Variants in CHRNB4 observed in about 807,000 individuals in gnomAD.
The protein encoded by CHRNB4 is neuronal acetylcholine receptor subunit beta-4.
CHRNB4 carries 23 observed loss-of-function variants against 40.4 expected under a neutral mutation model. The observed-to-expected ratio is 0.57, with a 90% CI of 0.41 to 0.81. The LOEUF (loss-of-function observed/expected upper bound fraction) is 0.81. Among genes scored for constraint, CHRNB4 ranks in the 30% least tolerant of loss-of-function variants. The pLI is 0.00. For missense variants in CHRNB4, 568 were observed against 670.6 expected (o/e 0.85, Z 1.69); for synonymous variants, 285 against 274.4 (o/e 1.04, Z -0.38).
intron 2 of CHRNB4, chr15:78,658,196 A>T (rs1325871517): frequency 6.6e-6 from 1 of 151,654 alleles, no homozygotes; most frequent in Non-Finnish European, 1.5e-5. Flanking sequence ...ATGCCTGGCT[A>T]ATTTTTGTAT....
At chr15:78,633,967 C>T (rs1037994273) in intron 2 of CHRNB4, among the ~76,000 whole-genome samples, 6 of 152,026 alleles carry the variant, frequency 3.9e-5, no homozygotes, top group African/African-American at 1.2e-4. Flanking sequence ...GCCTGGCTCA[C>T]CAGACTCTGG....
At chr15:78,645,006 C>T (rs2054111458), upstream of CHRNB4, among the ~76,000 whole-genome samples, 2 of 152,152 alleles carry the variant, frequency 1.3e-5, no homozygotes, top group African/African-American at 4.8e-5. Flanking sequence ...CCTGGAGAGA[C>T]TGTTCCTCCC....
At position 78,635,597 on chromosome 15, in the gene CHRNB4, C is replaced by G; in HGVS notation, c.56-10G>C. On this transcript the variant is annotated splice_polypyrimidine_tract_variant and intron_variant, in intron 1 of 5. Transcript: ENST00000261751. ...GCCACGCGGCAGTTCCCTGAGAAAA[C>G]ACACAGTCAGACCTGCTGGGCCCTT... The G allele has an allele frequency of 6.2e-7, 1 of 1,613,886 alleles. No homozygotes were observed. Among genetic ancestry groups the G allele is most frequent in the Non-Finnish European group, 8.5e-7 (1 of 1,179,828 alleles).
intron 2 of CHRNB4, among the ~76,000 whole-genome samples, chr15:78,635,048 T>G (rs752844324): frequency 1.3e-5 from 2 of 152,188 alleles, no homozygotes; most frequent in Non-Finnish European, 2.9e-5. Context: ...TCCCCCAGTC[T>G]GGTTTTTACT....
intron 2 of CHRNB4, among the ~76,000 whole-genome samples, chr15:78,632,173 C>CT (rs2053829670): frequency 7.8e-4 from 6 of 7,662 alleles, no homozygotes; most frequent in African/African-American, 1.7e-3. Context: ...TTTTCTTTCT[C>CT]TTTCTTTCTT....
intron 7 of CHRNB4, chr15:78,649,298 T>G (rs1004316870): frequency 2.7e-6 from 1 of 376,482 alleles, no homozygotes; most frequent in Non-Finnish European, 5.2e-6. Flanking sequence ...ATGCTCATAG[T>G]CACCCTTGTG....
chr15:78,631,052 G>A, intron 4 of CHRNB4, 24 bp downstream of exon 4: 4 of 1,593,974 alleles, frequency 2.5e-6, no homozygotes, highest in Non-Finnish European at 3.4e-6. Context: ...CTGTCACCAG[G>A]CCTCCACCAA....
intron 5 of CHRNB4, among the ~76,000 whole-genome samples, chr15:78,653,284 C>A (rs369021645): frequency 6.6e-6 from 1 of 152,336 alleles, no homozygotes; most frequent in African/African-American, 2.4e-5. Flanking sequence ...CAAATTCTGG[C>A]TTTAAGTCTA....
chr15:78,659,982 G>A (rs1442818312), intron 1 of CHRNB4, among the ~76,000 whole-genome samples: 1 of 152,076 alleles, frequency 6.6e-6, no homozygotes, highest in Admixed American at 6.6e-5. Context: ...TGAGGCAGGT[G>A]GATCACTTGA....
intron 7 of CHRNB4, chr15:78,649,344 C>A (rs536912104): frequency 2.3e-6 from 1 of 443,220 alleles, no homozygotes; most frequent in African/African-American, 2.0e-5. Context: ...TGTCCATCAA[C>A]AAGAACACGG....
Position 78,629,249 on chromosome 15 carries a change from G to T in CHRNB4, c.1056C>A (p.Pro352=). The T allele has an allele frequency of 6.2e-7, 1 of 1,613,286 alleles. No homozygotes were observed. The highest frequency in any genetic ancestry group is 1.1e-5 in the South Asian group (1 of 91,040). ...PTFLFMKRPG[P]DSSPARAFPP... ...GGAAGGCTCTGGCCGGGCTGCTGTC[G>T]GGGCCAGGGCGCTTCATGAAGAGGA... Residue 352 remains proline (P), a synonymous_variant, in exon 5 of 6, where the codon CCC becomes CCA. Transcript: ENST00000261751. This position sits in a 1 kb window ranked among gnomAD's most constrained non-coding sequence, Gnocchi z 6.8.
chr15:78,653,996 A>G (rs1165139775), intron 5 of CHRNB4, among the ~76,000 whole-genome samples: 1 of 152,158 alleles, frequency 6.6e-6, no homozygotes, highest in Non-Finnish European at 1.5e-5. Context: ...GAGGAAGCTC[A>G]ATGGCTTCAA....
intron 1 of CHRNB4, among the ~76,000 whole-genome samples, chr15:78,640,755 G>A (rs1173599568): frequency 6.6e-6 from 1 of 152,208 alleles, no homozygotes; most frequent in Admixed American, 6.5e-5. Flanking sequence ...GACTGCTGGG[G>A]ATGACCCGCG....
upstream of CHRNB4, among the ~76,000 whole-genome samples, chr15:78,644,084 A>G (rs1298532457): frequency 6.6e-6 from 1 of 151,356 alleles, no homozygotes; most frequent in African/African-American, 2.4e-5. Flanking sequence ...AATGGTGTGA[A>G]CCCAGGAGGC....
chr15:78,634,190 C>T (rs919520394), intron 2 of CHRNB4, among the ~76,000 whole-genome samples: 11 of 152,280 alleles, frequency 7.2e-5, no homozygotes, highest in African/African-American at 1.7e-4. Context: ...GGCTGGTGGC[C>T]GCATCCCCTC....
chr15:78,639,372 T>C lies in CHRNB4; in HGVS notation c.55+1707A>G, dbSNP rs542325322. 1.2e-4 allele frequency among the ~76,000 whole-genome samples: 18 copies of C among 152,306 alleles called. 1 individual carries two copies. Among genetic ancestry groups the C allele is most frequent in the Admixed American group, 1.0e-3 (16 of 15,300 alleles). On this transcript the variant is annotated intron_variant, in intron 1 of 5. Transcript: ENST00000261751. ...GTGCAGTGGCATGATCTCAGCTCAC[T>C]GCTGCAACCTCCACCTCCCGGGTTC...
At chr15:78,642,701 A>T (rs2054091670), upstream of CHRNB4, among the ~76,000 whole-genome samples, 1 of 152,252 alleles carries the variant, frequency 6.6e-6, no homozygotes, top group Non-Finnish European at 1.5e-5. Context: ...GGATACGATG[A>T]AATAGGTTTT....
intron 2 of CHRNB4, 117 bp from the exon 3 acceptor site, chr15:78,631,449 A>T: frequency 3.3e-6 from 3 of 919,454 alleles, no homozygotes; most frequent in Non-Finnish European, 5.1e-6. Flanking sequence ...TGCCACCCCA[A>T]CATCTCTTGG....
chr15:78,652,829 G>A (rs1392735177), intron 5 of CHRNB4, among the ~76,000 whole-genome samples: 1 of 152,188 alleles, frequency 6.6e-6, no homozygotes, highest in Non-Finnish European at 1.5e-5. Flanking sequence ...GGTAGAGCAT[G>A]TCGCAGTGAT....
Sources: allele counts gnomAD v4.1 joint callset (sites outside exome capture counted in the v4.1 genomes callset), GRCh38; gene constraint gnomAD v4.1.1; non-coding constraint Gnocchi (gnomAD v3.1); transcripts MANE v1.5; gene names NCBI Gene and HGNC (gene_info 2026-07-23, HGNC 2026-07-21).